The following PTPRD variants were observed in gnomAD, a reference collection of about 807,000 sequenced individuals.
PTPRD encodes the protein protein tyrosine phosphatase receptor type D.
In PTPRD, 34 loss-of-function variants were observed where a neutral mutation model predicts 214.5. That is an observed-to-expected ratio of 0.16 (90% confidence interval 0.12 to 0.21). PTPRD has a LOEUF of 0.21. Among genes scored for constraint, PTPRD ranks in the 10% least tolerant of loss-of-function variants. The pLI is 1.00. For missense variants in PTPRD, 2,545 were observed against 2,398.7 expected, an observed-to-expected ratio of 1.06 and a Z score of -1.27; for synonymous variants, 1,128 against 845.7, an observed-to-expected ratio of 1.33 and a Z score of -5.79.
At chr9:9,166,452 A>G (rs566515129) in intron 10 of PTPRD, among the ~76,000 whole-genome samples, 11 of 152,180 alleles carry the variant, frequency 7.2e-5, no homozygotes, top group African/African-American at 2.6e-4. Flanking sequence ...TCATTCCCCC[A>G]GCTGACCTGT....
At chr9:9,517,714 C>T (rs2154251535) in intron 8 of PTPRD, among the ~76,000 whole-genome samples, 1 of 152,016 alleles carries the variant, frequency 6.6e-6, no homozygotes, top group South Asian at 2.1e-4. Flanking sequence ...TTCTTTTTCT[C>T]TTGGAATTTA....
intron 10 of PTPRD, among the ~76,000 whole-genome samples, chr9:9,103,484 T>C (rs908155531): frequency 1.3e-5 from 2 of 152,140 alleles, no homozygotes; most frequent in African/African-American, 2.4e-5. Context: ...AACTTATATA[T>C]GTTAAATGAG....
chr9:9,580,537 ACTTTATTTT>A (rs1275970132), intron 7 of PTPRD, among the ~76,000 whole-genome samples: 2 of 139,708 alleles, frequency 1.4e-5, no homozygotes, highest in Non-Finnish European at 3.1e-5. Flanking sequence ...TCCTTAGCTT[ACTTTATTTT>A]CTTTTTTTTT....
chr9:10,367,131 T>C (rs1285732452), intron 2 of PTPRD, among the ~76,000 whole-genome samples: 19 of 150,422 alleles, frequency 1.3e-4, no homozygotes, highest in Non-Finnish European at 2.9e-5. Context: ...TCTTGATAGA[T>C]ACAGGTTTAC....
chr9:10,285,246 C>T (rs1026215343), intron 3 of PTPRD, among the ~76,000 whole-genome samples: 2 of 151,128 alleles, frequency 1.3e-5, no homozygotes, highest in African/African-American at 4.9e-5. Context: ...TTTTGTAAAA[C>T]TTAGCAAAGA....
At chr9:10,182,268 A>G (rs894254896) in intron 3 of PTPRD, among the ~76,000 whole-genome samples, 1 of 150,412 alleles carries the variant, frequency 6.6e-6, no homozygotes, top group African/African-American at 2.5e-5. Context: ...TCAAAAAAAA[A>G]AAAAAAAAAA....
At position 9,750,946 on chromosome 9, in the gene PTPRD, G is replaced by A. The variant is rs578202825; in HGVS notation, c.-326+15864C>T. 6.6e-5 allele frequency among the ~76,000 whole-genome samples: 10 copies of A among 152,128 alleles called. 1 individual carries two copies. The South Asian group carries it at 8.3e-4, about 13-fold the overall frequency. On this transcript the variant is annotated intron_variant, in intron 6 of 45. Coordinates refer to ENST00000381196, the MANE Select transcript of PTPRD (RefSeq NM_002839.4). ...GAGCAGCCAGTTGGCTTCACATGTC[G>A]CAATCATTAAAGTGCATTAAATCAT...
chr9:10,476,161 G>T (rs144570302), intron 2 of PTPRD, among the ~76,000 whole-genome samples: 1 of 152,036 alleles, frequency 6.6e-6, no homozygotes, highest in Admixed American at 6.6e-5. Context: ...AAGAAATAAA[G>T]GGTATTCAAA....
At chr9:9,175,841 G>A (rs775258469) in intron 10 of PTPRD, among the ~76,000 whole-genome samples, 58 of 151,822 alleles carry the variant, frequency 3.8e-4, no homozygotes, top group Non-Finnish European at 6.3e-4. Context: ...ATGGGTCATC[G>A]ACTAGCAAAA....
intron 2 of PTPRD, among the ~76,000 whole-genome samples, chr9:10,568,980 C>G (rs1465136896): frequency 6.6e-6 from 1 of 152,028 alleles, no homozygotes; most frequent in Middle Eastern, 3.2e-3. Flanking sequence ...TCAGAGTGAA[C>G]AGGCAACCTA....
intron 14 of PTPRD, among the ~76,000 whole-genome samples, chr9:8,591,455 T>A (rs1361465823): frequency 1.3e-5 from 2 of 152,152 alleles, no homozygotes; most frequent in African/African-American, 4.8e-5. Context: ...CTGACTTCTA[T>A]ACACTGATCC....
rs941197565 is a variant in PTPRD at position 8,470,672 on chromosome 9, T to A, written c.3504+323A>T. Among the ~76,000 whole-genome samples the A allele has an allele frequency of 2.0e-5, 3 of 152,130 alleles. No individual in the cohort carries two copies. In the East Asian group the frequency reaches 5.8e-4, roughly 29 times the overall value. On this transcript the variant is annotated intron_variant, in intron 31 of 45. Coordinates refer to ENST00000381196, the MANE Select transcript of PTPRD (RefSeq NM_002839.4). ...GGGACCTTGGGATTTATACCAATGG[T>A]GATTAAGTCTTTGCTGACAATTCAC...
rs145885436 is a variant in PTPRD, at chr9:9,857,017, G to C, written c.-368+81490C>G. 1.2e-3 allele frequency among the ~76,000 whole-genome samples: 190 copies of C among 152,284 alleles called. 3 individuals carry two copies. The highest frequency in any genetic ancestry group is 4.5e-3 in the African/African-American group (188 of 41,570). Reference sequence around the variant, plus strand: ...TCTTTTTGACCTCTCAAGATCAGCTGTGAGCCTTGGAAGTAGGCACTTTGG... The same window carrying C: ...TCTTTTTGACCTCTCAAGATCAGCTCTGAGCCTTGGAAGTAGGCACTTTGG... On this transcript the variant is annotated intron_variant, in intron 5 of 45. Transcript: ENST00000381196.
chr9:8,932,741 A>G (rs1314878275), intron 11 of PTPRD, among the ~76,000 whole-genome samples: 2 of 152,126 alleles, frequency 1.3e-5, no homozygotes, highest in South Asian at 2.1e-4. Flanking sequence ...CGAGCATCCC[A>G]GGTTGACTTC....
At chr9:8,970,828 A>G (rs2154331766) in intron 11 of PTPRD, among the ~76,000 whole-genome samples, 1 of 151,928 alleles carries the variant, frequency 6.6e-6, no homozygotes, top group African/African-American at 2.4e-5. Flanking sequence ...AAAAGATGCA[A>G]TACAGGTAGC....
At chr9:8,599,927 C>T (rs1395490808) in intron 14 of PTPRD, among the ~76,000 whole-genome samples, 1 of 152,118 alleles carries the variant, frequency 6.6e-6, no homozygotes, top group Non-Finnish European at 1.5e-5. Context: ...CGGCCCCTCC[C>T]CTTTGGTAGA....
chr9:9,991,207 T>C (rs921711767), intron 4 of PTPRD, among the ~76,000 whole-genome samples: 1 of 152,106 alleles, frequency 6.6e-6, no homozygotes, highest in African/African-American at 2.4e-5. Context: ...GTGCTGGTAT[T>C]ACAGGCATGA....
Position 8,872,975 on chromosome 9 carries a change from T to C in PTPRD, c.-103-139029A>G, listed in dbSNP as rs913359852. ...TAGAGTTACTCACCAACTGAAAATG[T>C]TTACTTGAAGTGAGAATTATTTTAT... On this transcript the variant is annotated intron_variant, in intron 11 of 45. Coordinates refer to ENST00000381196, the MANE Select transcript of PTPRD (RefSeq NM_002839.4). Among the ~76,000 whole-genome samples, 3 of 152,176 alleles carry C rather than the reference T, an allele frequency of 2.0e-5. No individual in the cohort carries two copies. The South Asian group carries it at 6.2e-4, about 32-fold the overall frequency.
chr9:9,981,393 C>T (rs1263517183), intron 4 of PTPRD, among the ~76,000 whole-genome samples: 10 of 145,994 alleles, frequency 6.8e-5, no homozygotes, highest in Non-Finnish European at 1.2e-4. Context: ...CTCACTCTGT[C>T]GCCCAGGCTG....
Sources: allele counts gnomAD v4.1 joint callset (sites outside exome capture counted in the v4.1 genomes callset), GRCh38; gene constraint gnomAD v4.1.1; transcripts MANE v1.5; gene names NCBI Gene and HGNC (gene_info 2026-07-23, HGNC 2026-07-21).